The following ADGRL3 variants were observed in gnomAD, a reference collection of about 807,000 sequenced individuals.
ADGRL3 encodes the protein adhesion G protein-coupled receptor L3.
A neutral mutation model predicts 153.5 loss-of-function variants in ADGRL3; 62 were observed. The ratio of observed to expected loss-of-function variants is 0.40; its 90% CI spans 0.33 to 0.50. The LOEUF is 0.50. Among genes scored for constraint, ADGRL3 ranks in the 20% least tolerant of loss-of-function variants. The probability of loss-of-function intolerance (pLI) is 0.47; values close to 1 mark genes in which losing one functional copy is unlikely to be tolerated. For synonymous variants in ADGRL3, 710 were observed against 672.5 expected, an observed-to-expected ratio of 1.06 and a Z score of -0.86; for missense variants, 1,641 against 1,859.4, an observed-to-expected ratio of 0.88 and a Z score of 2.16.
At chr4:61,597,537 T>C (rs1300037588) in intron 5 of ADGRL3, among the ~76,000 whole-genome samples, 2 of 152,102 alleles carry the variant, frequency 1.3e-5, no homozygotes, top group African/African-American at 4.8e-5. Flanking sequence ...ATCAATGTTA[T>C]ATGAAATATT....
intron 9 of ADGRL3, among the ~76,000 whole-genome samples, chr4:61,855,781 A>G (rs2098256665): frequency 6.6e-6 from 1 of 151,644 alleles, no homozygotes; most frequent in African/African-American, 2.4e-5. Context: ...TTTTTTTTTC[A>G]GCCACTATTT....
chr4:61,568,555 A>T (rs1390486807), intron 4 of ADGRL3, among the ~76,000 whole-genome samples: 1 of 152,148 alleles, frequency 6.6e-6, no homozygotes, highest in Non-Finnish European at 1.5e-5. Context: ...GAAACTGATA[A>T]ATTTCCCATG....
Position 61,947,647 on chromosome 4 carries a change from C to T in ADGRL3, c.2629-453C>T, listed in dbSNP as rs543922977. ...GTGTTTTTAAAGAAGAATAGGAGTACATTAAACAGAACTAGAGATGGTTCT... is the reference window on the plus strand; with the variant it reads ...GTGTTTTTAAAGAAGAATAGGAGTATATTAAACAGAACTAGAGATGGTTCT... On this transcript the variant is annotated intron_variant, in intron 16 of 26. Coordinates refer to ENST00000683033, the MANE Select transcript of ADGRL3 (RefSeq NM_001387552.1). 2.0e-5 allele frequency among the ~76,000 whole-genome samples: 3 copies of T among 152,170 alleles called. No individual in the cohort carries two copies. The East Asian group carries it at 5.8e-4, about 29-fold the overall frequency.
intron 9 of ADGRL3, among the ~76,000 whole-genome samples, chr4:61,886,787 G>A (rs1206839055): frequency 1.3e-5 from 2 of 151,466 alleles, no homozygotes; most frequent in South Asian, 2.1e-4. Flanking sequence ...GATTACAGGC[G>A]CCCACCATCA....
At chr4:61,655,079 T>C (rs1041141732) in intron 5 of ADGRL3, among the ~76,000 whole-genome samples, 1 of 152,124 alleles carries the variant, frequency 6.6e-6, no homozygotes, top group Non-Finnish European at 1.5e-5. Flanking sequence ...ATCAGCTGTA[T>C]TAAAATATAA....
At chr4:61,774,751 T>A (rs1052262758) in intron 8 of ADGRL3, among the ~76,000 whole-genome samples, 7 of 152,330 alleles carry the variant, frequency 4.6e-5, no homozygotes, top group African/African-American at 1.7e-4. Flanking sequence ...TATAAATTAT[T>A]GTTGTTAATC....
chr4:62,031,869 T>C lies in ADGRL3; in HGVS notation c.3591+259T>C, dbSNP rs564738768. On this transcript the variant is annotated intron_variant, in intron 23 of 26. Transcript: ENST00000683033. ...TTATTTTCTTATAGATTTGACTTTA[T>C]AGTCTTTAATATTCCCATTGGTGGC... Among the ~76,000 whole-genome samples, 4 of 151,548 alleles carry C rather than the reference T, an allele frequency of 2.6e-5. No homozygotes were observed. In the East Asian group the frequency reaches 7.7e-4, roughly 29 times the overall value.
intron 1 of ADGRL3, among the ~76,000 whole-genome samples, chr4:61,297,947 CTTTATTT>C (rs1012962294): frequency 6.6e-6 from 1 of 151,972 alleles, no homozygotes; most frequent in African/African-American, 2.4e-5. Flanking sequence ...TTATATAATA[CTTTATTT>C]TATTTTATGT....
At chr4:61,418,410 C>T (rs1262121581) in intron 2 of ADGRL3, among the ~76,000 whole-genome samples, 9 of 151,274 alleles carry the variant, frequency 5.9e-5, no homozygotes, top group Admixed American at 4.6e-4. Context: ...AGGCCGTGAA[C>T]ATCGGACATG....
chr4:61,255,792 C>T (rs1242294129), intron 1 of ADGRL3, among the ~76,000 whole-genome samples: 3 of 152,124 alleles, frequency 2.0e-5, no homozygotes, highest in South Asian at 2.1e-4. Context: ...AAATAGCTCA[C>T]GGTTAGTGTA....
rs187262242 is a variant in ADGRL3, at chr4:61,566,094, C to T, written c.260-21133C>T. 5.9e-5 allele frequency among the ~76,000 whole-genome samples: 9 copies of T among 152,244 alleles called. No individual in the cohort carries two copies. The South Asian group carries it at 1.9e-3, about 32-fold the overall frequency. On this transcript the variant is annotated intron_variant, in intron 4 of 26. Coordinates refer to ENST00000683033, the MANE Select transcript of ADGRL3 (RefSeq NM_001387552.1). ...GGAGTTTATTAGTTTGCTAGAGCCA[C>T]CTTAACAAAGAACCGTAAACTGGGT...
intron 1 of ADGRL3, among the ~76,000 whole-genome samples, chr4:61,230,995 T>C (rs1197236325): frequency 3.9e-5 from 6 of 152,174 alleles, no homozygotes; most frequent in Non-Finnish European, 7.3e-5. Flanking sequence ...TATGCTTATT[T>C]AAAAATTACT....
chr4:61,781,425 T>G (rs1022549214), intron 8 of ADGRL3, among the ~76,000 whole-genome samples: 1 of 152,114 alleles, frequency 6.6e-6, no homozygotes, highest in Non-Finnish European at 1.5e-5. Context: ...CATTTCTTTA[T>G]GTATGTTAAC....
intron 2 of ADGRL3, among the ~76,000 whole-genome samples, chr4:61,468,764 T>C (rs1227122547): frequency 6.6e-6 from 1 of 151,968 alleles, no homozygotes; most frequent in African/African-American, 2.4e-5. Flanking sequence ...AGAGTGAATG[T>C]TGTTTATCAG....
chr4:61,733,000 A>G lies in ADGRL3; in HGVS notation c.845A>G (p.Tyr282Cys), dbSNP rs781673165. 6.8e-5 allele frequency: 110 copies of G among 1,613,690 alleles called. No homozygotes were observed. Among genetic ancestry groups the G allele is most frequent in the South Asian group, 2.0e-4 (18 of 91,088 alleles). Residue 282 changes from tyrosine to cysteine, a missense_variant, in exon 8 of 27, where the codon TAT becomes TGT. Transcript: ENST00000683033. ...GTGGATGGCACAGGATTTGTAGTGT[A>G]TGATGGAGCTTTGTTCTTCAACAAA... The part of the protein sequence containing the change: ...HRVDGTGFVV[Y>C]DGALFFNKER...
chr4:61,324,533 T>C (rs1352709680), intron 1 of ADGRL3, among the ~76,000 whole-genome samples: 1 of 152,170 alleles, frequency 6.6e-6, no homozygotes, highest in Admixed American at 6.5e-5. Context: ...ATGTAATATT[T>C]TCAGATTAGA....
At chr4:61,947,190 GTA>G in intron 16 of ADGRL3, 68 bp downstream of exon 16, 1 of 1,220,102 alleles carries the variant, frequency 8.2e-7, no homozygotes, top group Non-Finnish European at 1.2e-6. Flanking sequence ...AACATTAAGT[GTA>G]TTAATTTTCT....
At chr4:61,879,060 T>C (rs2098493577) in intron 9 of ADGRL3, among the ~76,000 whole-genome samples, 1 of 152,182 alleles carries the variant, frequency 6.6e-6, no homozygotes, top group African/African-American at 2.4e-5. Flanking sequence ...TGAAATATCA[T>C]AGAGTAGGCA....
chr4:61,491,956 T>A (rs977055493), intron 2 of ADGRL3, among the ~76,000 whole-genome samples: 2 of 152,090 alleles, frequency 1.3e-5, no homozygotes, highest in African/African-American at 2.4e-5. Flanking sequence ...AAGTGATAAT[T>A]CTGAATGCTC....
Sources: allele counts gnomAD v4.1 joint callset (sites outside exome capture counted in the v4.1 genomes callset), GRCh38; gene constraint gnomAD v4.1.1; transcripts MANE v1.5; gene names NCBI Gene and HGNC (gene_info 2026-07-23, HGNC 2026-07-21).